ARFIP1: variants seen among roughly 807,000 people sequenced by gnomAD.
The protein encoded by ARFIP1 is ARF interacting protein 1, also known as arfaptin-1.
ARFIP1 carries 24 observed loss-of-function variants against 42.5 expected under a neutral mutation model. The observed-to-expected ratio is 0.57, with a 90% CI of 0.41 to 0.80. The LOEUF (loss-of-function observed/expected upper bound fraction) is 0.80. Ranked by LOEUF, ARFIP1 falls within the 30% of genes least tolerant of loss-of-function variation. The pLI is 0.00. For missense variants in ARFIP1, 354 were observed against 434.0 expected (o/e 0.82, Z 1.64); for synonymous variants, 141 against 153.7 (o/e 0.92, Z 0.61).
At chr4:152,843,211 AGT>A (rs1253741587) in intron 2 of ARFIP1, among the ~76,000 whole-genome samples, 1 of 152,010 alleles carries the variant, frequency 6.6e-6, no homozygotes, top group African/African-American at 2.4e-5. Context: ...CCACCCAGAG[AGT>A]GTATCTGGCT....
intron 8 of ARFIP1, among the ~76,000 whole-genome samples, chr4:152,898,733 G>A (rs1019600016): frequency 7.2e-5 from 11 of 152,146 alleles, no homozygotes. Context: ...TTTGACTTGA[G>A]CAGGACCACA....
chr4:152,827,875 A>G (rs953353157), intron 1 of ARFIP1, among the ~76,000 whole-genome samples: 2 of 152,008 alleles, frequency 1.3e-5, no homozygotes, highest in Non-Finnish European at 2.9e-5. Context: ...GGGTTTCGCT[A>G]TGTTCCCCAG....
chr4:152,818,848 C>T (rs796884070), intron 1 of ARFIP1, among the ~76,000 whole-genome samples: 16 of 152,276 alleles, frequency 1.1e-4, no homozygotes, highest in African/African-American at 3.4e-4. Context: ...TTAGTGCTGC[C>T]TGCAACCCCT....
chr4:152,882,013 T>C (rs1185491307), intron 6 of ARFIP1, among the ~76,000 whole-genome samples: 1 of 152,190 alleles, frequency 6.6e-6, no homozygotes. Context: ...TTTGGTTAGG[T>C]GCATCCTGAT....
chr4:152,867,995 A>G (rs1247337344), intron 3 of ARFIP1, among the ~76,000 whole-genome samples: 2 of 152,230 alleles, frequency 1.3e-5, no homozygotes, highest in Non-Finnish European at 2.9e-5. Context: ...AATCTGGAAA[A>G]TAGGTCTTAT....
intron 1 of ARFIP1, among the ~76,000 whole-genome samples, chr4:152,782,867 T>C (rs1484016280): frequency 6.6e-6 from 1 of 152,230 alleles, no homozygotes; most frequent in Non-Finnish European, 1.5e-5. Context: ...TCTAAAGGTC[T>C]GATACTTTTT....
At chr4:152,879,093 C>T (rs112062874) in intron 5 of ARFIP1, among the ~76,000 whole-genome samples, 100 of 152,070 alleles carry the variant, frequency 6.6e-4, no homozygotes, top group African/African-American at 2.3e-3. Flanking sequence ...CACAGTAATA[C>T]TTTATCCCCT....
chr4:152,868,881 T>TA (rs1477943827), intron 3 of ARFIP1, among the ~76,000 whole-genome samples: 3 of 152,186 alleles, frequency 2.0e-5, no homozygotes, highest in Non-Finnish European at 4.4e-5. Flanking sequence ...ATAATGGAGA[T>TA]ATTATGGTGT....
chr4:152,908,263 C>G (rs759089838), intron 8 of ARFIP1, among the ~76,000 whole-genome samples: 6 of 152,120 alleles, frequency 3.9e-5, no homozygotes, highest in Admixed American at 3.9e-4. Context: ...AAGCAGATAC[C>G]TTTTCCCAGT....
intron 1 of ARFIP1, among the ~76,000 whole-genome samples, chr4:152,822,617 C>T (rs1473279579): frequency 6.6e-6 from 1 of 152,188 alleles, no homozygotes; most frequent in East Asian, 1.9e-4. Context: ...AAACATGATT[C>T]TCATCAGCAC....
At chr4:152,882,986 G>GA (rs1735968359) in intron 7 of ARFIP1, 106 bp downstream of exon 7, 1 of 1,194,708 alleles carries the variant, frequency 8.4e-7, no homozygotes, top group Non-Finnish European at 1.2e-6. Context: ...ATATGGGCAG[G>GA]AAAAAAATGT....
Position 152,882,794 on chromosome 4 carries a change from T to C in ARFIP1, c.705T>C (p.Ile235=). 1 of 1,613,206 alleles carries C rather than the reference T, an allele frequency of 6.2e-7. No individual in the cohort carries two copies. Among genetic ancestry groups the C allele is most frequent in the Non-Finnish European group, 8.5e-7 (1 of 1,179,464 alleles). Residue 235 remains isoleucine (I), a synonymous_variant, in exon 7 of 9, where the codon ATT becomes ATC. Coordinates refer to ENST00000353617, the MANE Select transcript of ARFIP1 (RefSeq NM_001025595.3). ...ATGGAGAGACTCTTCTTGGGGCCAT[T>C]AATTTTTTCATTGCTAGTGTGAACA... is the stretch of plus-strand genomic sequence containing the variant. ...AKNGETLLGA[I]NFFIASVNTL... is the part of the protein sequence containing the mutation.
At chr4:152,814,579 A>G (rs1048019751) in intron 1 of ARFIP1, among the ~76,000 whole-genome samples, 7 of 152,158 alleles carry the variant, frequency 4.6e-5, no homozygotes, top group African/African-American at 1.7e-4. Flanking sequence ...TTAGCCAGGC[A>G]TGGTGGCACA....
intron 8 of ARFIP1, among the ~76,000 whole-genome samples, chr4:152,892,952 A>C (rs1417113051): frequency 6.6e-6 from 1 of 152,210 alleles, no homozygotes; most frequent in African/African-American, 2.4e-5. Flanking sequence ...ACCTTTAAAT[A>C]ATGTAACTTG....
intron 8 of ARFIP1, among the ~76,000 whole-genome samples, chr4:152,905,302 A>G (rs1021292339): frequency 7.9e-5 from 12 of 152,248 alleles, no homozygotes; most frequent in African/African-American, 2.9e-4. Context: ...TGCATTCCCA[A>G]CAACTGTGTA....
chr4:152,789,012 A>G (rs533266802), intron 1 of ARFIP1, among the ~76,000 whole-genome samples: 2 of 145,288 alleles, frequency 1.4e-5, no homozygotes, highest in East Asian at 2.1e-4. Flanking sequence ...AGACTGGGTG[A>G]TATGTTTCTA....
intron 1 of ARFIP1, among the ~76,000 whole-genome samples, chr4:152,798,079 G>A (rs112362230): frequency 5.0e-4 from 76 of 152,238 alleles, no homozygotes; most frequent in African/African-American, 1.7e-3. Flanking sequence ...CCAACATGGC[G>A]AAACTCTGTC....
chr4:152,848,238 C>T (rs761915753), intron 2 of ARFIP1, among the ~76,000 whole-genome samples: 12 of 152,198 alleles, frequency 7.9e-5, no homozygotes, highest in Non-Finnish European at 8.8e-5. Flanking sequence ...AGTGCAAGAG[C>T]GCTCTCTTTC....
intron 1 of ARFIP1, among the ~76,000 whole-genome samples, chr4:152,809,460 A>C (rs1383247320): frequency 6.6e-6 from 1 of 152,216 alleles, no homozygotes; most frequent in Non-Finnish European, 1.5e-5. Flanking sequence ...GATTAATTTC[A>C]AAAGATTAAA....
Sources: allele counts gnomAD v4.1 joint callset (sites outside exome capture counted in the v4.1 genomes callset), GRCh38; gene constraint gnomAD v4.1.1; transcripts MANE v1.5; gene names NCBI Gene and HGNC (gene_info 2026-07-23, HGNC 2026-07-21).